The following DAGLB variants were observed in gnomAD, a reference collection of about 807,000 sequenced individuals.
DAGLB encodes the protein diacylglycerol lipase beta, also known as diacylglycerol lipase-beta.
In DAGLB, 66 loss-of-function variants were observed where a neutral mutation model predicts 72.1. That is an observed-to-expected ratio of 0.92 (90% CI 0.75 to 1.12). The LOEUF is 1.12. DAGLB is among the 50% of genes most tolerant of loss of function. The probability of loss-of-function intolerance (pLI) is 0.00; values close to 1 mark genes in which losing one functional copy is unlikely to be tolerated. For missense variants in DAGLB, 1,065 were observed against 884.9 expected (o/e 1.20, Z -2.58); for synonymous variants, 414 against 359.5 (o/e 1.15, Z -1.71).
intron 6 of DAGLB, among the ~76,000 whole-genome samples, 200 bp from the exon 7 acceptor site, chr7:6,426,314 G>A (rs539193197): frequency 3.3e-4 from 51 of 152,340 alleles, no homozygotes; most frequent in African/African-American, 1.2e-3. Flanking sequence ...CTGTCACCCA[G>A]GCTGGAGTAC....
intron 3 of DAGLB, among the ~76,000 whole-genome samples, chr7:6,435,260 G>A (rs144260544): frequency 0.022 from 3,343 of 152,280 alleles, 55 homozygotes; most frequent in Middle Eastern, 0.041. Flanking sequence ...GGCCGAGGCC[G>A]GCAGATCACG....
At chr7:6,437,513 C>A (rs1258611896) in intron 2 of DAGLB, among the ~76,000 whole-genome samples, 1 of 152,134 alleles carries the variant, frequency 6.6e-6, no homozygotes, top group East Asian at 1.9e-4. Flanking sequence ...CTCACTGCAG[C>A]CTCCACCTCT....
rs762892017 is a variant in DAGLB at position 6,421,788 on chromosome 7, A to G, written c.1157T>C (p.Leu386Pro). 1 of 1,613,140 alleles carries G rather than the reference A, an allele frequency of 6.2e-7. No homozygotes were observed. Among genetic ancestry groups the G allele is most frequent in the South Asian group, 1.1e-5 (1 of 91,078 alleles). The change falls in exon 9 of 15, where the codon CTG (leucine) becomes CCG (proline). Residue 386 changes from leucine to proline, a missense_variant. By Grantham distance (98) the Leu-to-Pro change is moderately conservative (BLOSUM62 -3). Coordinates refer to ENST00000297056, the MANE Select transcript of DAGLB (RefSeq NM_139179.4). The part of the protein sequence containing the change: ...TMSLQDVLTD[L>P]SAESEVLDVE... ...GTCCAGCACCTCACTCTCCGCTGAC[A>G]GGTCCGTAAGGACATCCTGTAAAAA...
At chr7:6,438,265 G>A (rs1033554483) in intron 2 of DAGLB, among the ~76,000 whole-genome samples, 4 of 151,974 alleles carry the variant, frequency 2.6e-5, no homozygotes, top group Admixed American at 6.6e-5. Context: ...GACGAGTAAC[G>A]GGTGCAGCAC....
intron 2 of DAGLB, among the ~76,000 whole-genome samples, chr7:6,441,425 T>A (rs1324450758): frequency 7.0e-6 from 1 of 142,550 alleles, no homozygotes; most frequent in Non-Finnish European, 1.5e-5. Flanking sequence ...TTTTTTCTTT[T>A]TTTTTTTTTT....
At chr7:6,427,780 A>G (rs756680785) in intron 6 of DAGLB, among the ~76,000 whole-genome samples, 3 of 152,122 alleles carry the variant, frequency 2.0e-5, no homozygotes, top group Non-Finnish European at 2.9e-5. Context: ...AACAGTCCCA[A>G]AAAAAGAAAA....
intron 13 of DAGLB, 55 bp downstream of exon 13, chr7:6,412,756 A>C: frequency 1.3e-6 from 2 of 1,546,792 alleles, no homozygotes; most frequent in South Asian, 1.2e-5. Context: ...TCTCCACAGG[A>C]TCTCAGGGAC....
intron 1 of DAGLB, among the ~76,000 whole-genome samples, chr7:6,446,739 C>G (rs1286949658): frequency 6.6e-6 from 1 of 151,290 alleles, no homozygotes; most frequent in East Asian, 2.0e-4. Flanking sequence ...CCCGGCACGG[C>G]GGCTCACGTC....
chr7:6,417,632 T>C (rs1196558732), intron 9 of DAGLB: 3 of 151,804 alleles, frequency 2.0e-5, no homozygotes, highest in Non-Finnish European at 4.4e-5. Context: ...CAATCTGAGC[T>C]ATTTGGGAGG....
At position 6,436,460 on chromosome 7, in the gene DAGLB, T is replaced by C; in HGVS notation, c.321A>G (p.Pro107=). The change falls in exon 3 of 15, where the codon CCA becomes CCG. Residue 107 remains proline, a synonymous_variant. Transcript: ENST00000297056. ...CCCCCAGAGAGGCCCAGACCATCTCTGGAAAAAACAGCGCCAGGCGGATGT... is the reference window on the plus strand; with the variant it reads ...CCCCCAGAGAGGCCCAGACCATCTCCGGAAAAAACAGCGCCAGGCGGATGT... ...LLYIRLALFF[P]EMVWASLGAA... 6.2e-7 allele frequency: 1 copy of C among 1,614,096 alleles called. No homozygotes were observed. Among genetic ancestry groups the C allele is most frequent in the Non-Finnish European group, 8.5e-7 (1 of 1,180,006 alleles).
chr7:6,442,325 T>C (rs114054705), intron 2 of DAGLB, among the ~76,000 whole-genome samples: 3,102 of 151,960 alleles, frequency 0.02, 121 homozygotes, highest in African/African-American at 0.072. Context: ...CACAAGTACA[T>C]GATGATGCAA....
chr7:6,414,521 G>T (rs1024745022), intron 11 of DAGLB, among the ~76,000 whole-genome samples: 1 of 150,184 alleles, frequency 6.7e-6, no homozygotes, highest in Non-Finnish European at 1.5e-5. Context: ...GGCTGGTCTC[G>T]ATCTCCTGGG....
Position 6,412,883 on chromosome 7 carries a change from C to G in DAGLB, c.1497G>C (p.Arg499Ser). ...GATCTTCCAAGTTGGTCACACTGAG[C>G]CTGTTTAGCAAAGGGGCACACTGAG... ...SLVLGKDVIP[R>S]LSVTNLEDLK... Residue 499 changes from arginine to serine, a missense_variant and splice_region_variant, in exon 13 of 15, where the codon AGG becomes AGC. Transcript: ENST00000297056. The G allele has an allele frequency of 6.2e-7, 1 of 1,609,802 alleles. No homozygotes were observed. The highest frequency in any genetic ancestry group is 8.5e-7 in the Non-Finnish European group (1 of 1,177,844).
intron 6 of DAGLB, among the ~76,000 whole-genome samples, chr7:6,428,199 AG>A (rs1284676512): frequency 6.6e-6 from 1 of 151,388 alleles, no homozygotes; most frequent in Non-Finnish European, 1.5e-5. Flanking sequence ...ACAAAAAACT[AG>A]CCGAGTATGG....
chr7:6,416,967 C>T (rs1489368347), intron 9 of DAGLB, 46 bp from the exon 10 acceptor site: 3 of 1,602,178 alleles, frequency 1.9e-6, no homozygotes, highest in Non-Finnish European at 2.6e-6. Flanking sequence ...TCAGACAAGG[C>T]AGGCCCAGCA....
Position 6,447,854 on chromosome 7 carries a change from C to T in DAGLB, c.-12G>A, listed in dbSNP as rs1288605676. The T allele has an allele frequency of 1.9e-6, 3 of 1,605,950 alleles. No individual in the cohort carries two copies. The highest frequency in any genetic ancestry group is 2.5e-6 in the Non-Finnish European group (3 of 1,176,964). Reference sequence around the variant, plus strand: ...ACCATCCCCGGCATGGCGAAGGTCCCGTAGCTCGCACTCAGGAGAGACCCC... The same window carrying T: ...ACCATCCCCGGCATGGCGAAGGTCCTGTAGCTCGCACTCAGGAGAGACCCC... On this transcript the variant is annotated 5_prime_UTR_variant, in exon 1 of 15. Transcript: ENST00000297056.
At position 6,410,025 on chromosome 7, in the gene DAGLB, A is replaced by G. The variant is rs1206095624; in HGVS notation, c.1831T>C (p.Cys611Arg). 6.2e-7 allele frequency: 1 copy of G among 1,613,446 alleles called. No homozygotes were observed. Among genetic ancestry groups the G allele is most frequent in the Non-Finnish European group, 8.5e-7 (1 of 1,179,566 alleles). The change falls in exon 15 of 15, where the codon TGC (cysteine) becomes CGC (arginine). Residue 611 changes from cysteine to arginine, a missense_variant. Physicochemically the swap from Cys to Arg is radical, Grantham distance 180. Transcript: ENST00000297056. The part of the protein sequence containing the change: ...EEGASGRFGC[C>R]SAAHYSAKWS... ...TTGGCGCTATAGTGAGCAGCAGAGC[A>G]GCAGCCAAACCTGAAGCAGAAAAGG...
intron 9 of DAGLB, among the ~76,000 whole-genome samples, chr7:6,419,343 C>T (rs771746394): frequency 6.6e-6 from 1 of 152,096 alleles, no homozygotes. Flanking sequence ...CTCTCTCCTG[C>T]GACGGCGGGA....
In DAGLB at chr7:6,409,578, C is replaced by T. The variant is rs1783647245; in HGVS notation, c.*259G>A. On this transcript the variant is annotated 3_prime_UTR_variant, in exon 15 of 15. Transcript: ENST00000297056. Reference sequence around the variant, plus strand: ...CAAGGGATCCATCCACGGGCCAGGGCTTCCCGAGGCTGTCTCCACGGTCGC... The same window carrying T: ...CAAGGGATCCATCCACGGGCCAGGGTTTCCCGAGGCTGTCTCCACGGTCGC... The T allele has an allele frequency of 7.5e-6, 4 of 534,520 alleles. No individual in the cohort carries two copies. The highest frequency in any genetic ancestry group is 2.1e-5 in the South Asian group (1 of 46,968). 33.1% of individuals were successfully genotyped at this position (534,520 alleles called of 1,614,324 possible).
Sources: allele counts gnomAD v4.1 joint callset (sites outside exome capture counted in the v4.1 genomes callset), GRCh38; gene constraint gnomAD v4.1.1; transcripts MANE v1.5; gene names NCBI Gene and HGNC (gene_info 2026-07-23, HGNC 2026-07-21).